Variants in ITPR1 observed in about 807,000 individuals in gnomAD.
ITPR1 encodes the protein inositol 1,4,5-trisphosphate receptor type 1, also known as inositol 1,4,5-trisphosphate-gated calcium channel ITPR1.
Under a neutral mutation model 318.4 loss-of-function variants are expected in ITPR1, and 96 were observed. The ratio of observed to expected loss-of-function variants is 0.30; its 90% CI spans 0.26 to 0.36. ITPR1 has a LOEUF of 0.36. Ranked by LOEUF, ITPR1 falls within the 10% of genes least tolerant of loss-of-function variation. The probability of loss-of-function intolerance (pLI) is 1.00; values close to 1 mark genes in which losing one functional copy is unlikely to be tolerated. For missense variants in ITPR1, 2,440 were observed against 3,460.2 expected (o/e 0.71, Z 7.40); for synonymous variants, 1,312 against 1,289.9 (o/e 1.02, Z -0.37).
At chr3:4,699,304 C>T (rs2094605842) in intron 34 of ITPR1, among the ~76,000 whole-genome samples, 1 of 151,938 alleles carries the variant, frequency 6.6e-6, no homozygotes, top group Non-Finnish European at 1.5e-5. Context: ...CCACAGTGGG[C>T]CAAGATCATG....
Position 4,835,565 on chromosome 3 carries a change from AGTGT to A in ITPR1, c.8029-1197_8029-1194del, listed in dbSNP as rs57292347. Among the ~76,000 whole-genome samples, 335 of 151,404 alleles carry A rather than the reference AGTGT, an allele frequency of 2.2e-3. 1 individual carries two copies. Among genetic ancestry groups the A allele is most frequent in the African/African-American group, 7.6e-3 (312 of 41,308 alleles). On this transcript the variant is annotated intron_variant, in intron 60 of 61. Transcript: ENST00000649015. ...CAACAATTATCCAGCATTCCGAGTG[AGTGT>A]GTGTGTGTGTGGGAGGGGGCTTGAT...
At chr3:4,836,198 T>A (rs1043994500) in intron 60 of ITPR1, among the ~76,000 whole-genome samples, 1 of 152,128 alleles carries the variant, frequency 6.6e-6, no homozygotes, top group African/African-American at 2.4e-5. Flanking sequence ...ATGAGGCCCC[T>A]GGAGCAGTCA....
intron 50 of ITPR1, 63 bp downstream of exon 50, chr3:4,782,804 G>C (rs1575227281): frequency 1.4e-6 from 2 of 1,393,264 alleles, no homozygotes; most frequent in South Asian, 1.9e-5. Context: ...TTCCGAGCTG[G>C]AGGGTGCCCC....
chr3:4,657,523 G>A (rs564170839), intron 12 of ITPR1, among the ~76,000 whole-genome samples: 4 of 150,136 alleles, frequency 2.7e-5, no homozygotes, highest in Admixed American at 1.3e-4. Flanking sequence ...GCTGAAATGC[G>A]GTGGCGCGAT....
At chr3:4,801,203 C>T (rs2048208537) in intron 54 of ITPR1, among the ~76,000 whole-genome samples, 1 of 152,120 alleles carries the variant, frequency 6.6e-6, no homozygotes, top group Non-Finnish European at 1.5e-5. Flanking sequence ...GAGAGGTTTC[C>T]TTGTGAAGGG....
chr3:4,588,385 A>C (rs1327222672), intron 4 of ITPR1, among the ~76,000 whole-genome samples: 1 of 151,280 alleles, frequency 6.6e-6, no homozygotes, highest in African/African-American at 2.4e-5. Flanking sequence ...TTTTAATATT[A>C]CACTGGGTTT....
chr3:4,734,311 T>G (rs1230382016), intron 43 of ITPR1, among the ~76,000 whole-genome samples: 1 of 152,188 alleles, frequency 6.6e-6, no homozygotes, highest in East Asian at 1.9e-4. Context: ...TGACAGGGAT[T>G]TGGAAATGCA....
At chr3:4,724,753 T>G (rs879760389) in intron 40 of ITPR1, among the ~76,000 whole-genome samples, 3 of 152,164 alleles carry the variant, frequency 2.0e-5, no homozygotes, top group Non-Finnish European at 4.4e-5. Flanking sequence ...CTGCATGCCC[T>G]CTCACCCCTT....
At chr3:4,611,561 A>AAAATAAATAAATAAATAAATAAAT (rs372628182) in intron 4 of ITPR1, among the ~76,000 whole-genome samples, 18 of 142,472 alleles carry the variant, frequency 1.3e-4, no homozygotes, top group Admixed American at 2.8e-4. Flanking sequence ...CTCTCTCTCA[A>AAAATAAATAAATAAATAAATAAAT]AAATAAATAA....
At chr3:4,620,401 C>G (rs2092581300) in intron 4 of ITPR1, among the ~76,000 whole-genome samples, 1 of 152,160 alleles carries the variant, frequency 6.6e-6, no homozygotes, top group South Asian at 2.1e-4. Context: ...GACTGCTCTT[C>G]CTGTGTGTTT....
At chr3:4,790,671 T>C (rs1416104345) in intron 52 of ITPR1, among the ~76,000 whole-genome samples, 1 of 152,258 alleles carries the variant, frequency 6.6e-6, no homozygotes, top group African/African-American at 2.4e-5. Flanking sequence ...TTCATTTCGC[T>C]GTTTTACCTT....
intron 4 of ITPR1, among the ~76,000 whole-genome samples, chr3:4,557,432 C>G (rs148019769): frequency 6.6e-6 from 1 of 152,174 alleles, no homozygotes; most frequent in African/African-American, 2.4e-5. Context: ...AGCTACAATT[C>G]AAGATGAGAT....
chr3:4,566,421 A>C (rs984726697), intron 4 of ITPR1, among the ~76,000 whole-genome samples: 1 of 152,156 alleles, frequency 6.6e-6, no homozygotes, highest in East Asian at 1.9e-4. Context: ...GCAAACCTCT[A>C]TCTGTTGAAT....
chr3:4,720,100 C>G (rs1165991172), intron 40 of ITPR1, among the ~76,000 whole-genome samples: 5 of 152,230 alleles, frequency 3.3e-5, no homozygotes, highest in African/African-American at 7.2e-5. Flanking sequence ...GAGTTAACAG[C>G]TGGTGCTAAA....
At chr3:4,764,424 G>T (rs1383944418) in intron 44 of ITPR1, among the ~76,000 whole-genome samples, 1 of 152,158 alleles carries the variant, frequency 6.6e-6, no homozygotes, top group East Asian at 1.9e-4. Context: ...TATTTGCTGG[G>T]CCTCTTCTAG....
At chr3:4,797,675 T>TA (rs1371302544) in intron 53 of ITPR1, among the ~76,000 whole-genome samples, 1 of 152,238 alleles carries the variant, frequency 6.6e-6, no homozygotes, top group Admixed American at 6.5e-5. Context: ...TAAATGTTTT[T>TA]ATTATTGAAA....
At position 4,691,263 on chromosome 3, in the gene ITPR1, C is replaced by T. The variant is rs764250549; in HGVS notation, c.3948C>T (p.Val1316=). Residue 1316 remains valine, a synonymous_variant, in exon 32 of 62, where the codon GTC becomes GTT. Coordinates refer to ENST00000649015, the MANE Select transcript of ITPR1 (RefSeq NM_001378452.1). ...GCATAGAGACTCACGGTCGGAATGT[C>T]CAGTATATAAAGTTCTTACAGACAA... ...VHCIETHGRN[V]QYIKFLQTIV... 2 of 1,613,020 alleles carry T rather than the reference C, an allele frequency of 1.2e-6. No individual in the cohort carries two copies. The highest frequency in any genetic ancestry group is 4.5e-5 in the East Asian group (2 of 44,876).
At chr3:4,642,936 A>T (rs148652930) in intron 7 of ITPR1, among the ~76,000 whole-genome samples, 1 of 152,222 alleles carries the variant, frequency 6.6e-6, no homozygotes, top group Non-Finnish European at 1.5e-5. Flanking sequence ...GCTGCTTTTT[A>T]TTGAAAAATA....
At chr3:4,548,364 A>G (rs1362837542) in intron 4 of ITPR1, among the ~76,000 whole-genome samples, 1 of 152,204 alleles carries the variant, frequency 6.6e-6, no homozygotes. Context: ...TCGTAAAGTG[A>G]AAAGGGGTGT....
Sources: allele counts gnomAD v4.1 joint callset (sites outside exome capture counted in the v4.1 genomes callset), GRCh38; gene constraint gnomAD v4.1.1; transcripts MANE v1.5; gene names NCBI Gene and HGNC (gene_info 2026-07-23, HGNC 2026-07-21).